Variants in MB21D2 observed in about 807,000 individuals in gnomAD.
The protein encoded by MB21D2 is nucleotidyltransferase MB21D2.
A neutral mutation model predicts 33.3 loss-of-function variants in MB21D2; 9 were observed. That is an observed-to-expected ratio of 0.27 (90% CI 0.16 to 0.47). The LOEUF (loss-of-function observed/expected upper bound fraction) is 0.47. Among genes scored for constraint, MB21D2 ranks in the 20% least tolerant of loss-of-function variants. The probability of loss-of-function intolerance (pLI) is 0.99; values close to 1 mark genes in which losing one functional copy is unlikely to be tolerated. For synonymous variants in MB21D2, 241 were observed against 236.3 expected, an observed-to-expected ratio of 1.02 and a Z score of -0.18; for missense variants, 540 against 624.6, an observed-to-expected ratio of 0.86 and a Z score of 1.44.
intron 1 of MB21D2, among the ~76,000 whole-genome samples, chr3:192,843,313 CTT>C (rs775541361): frequency 1.5e-4 from 23 of 152,176 alleles, no homozygotes; most frequent in Non-Finnish European, 2.9e-4. Context: ...TCCTTTCTGT[CTT>C]TGACATGTCA....
rs1258790735 is a variant in MB21D2 at position 192,917,744 on chromosome 3, C to A, written c.97G>T (p.Val33Leu). 6.2e-7 allele frequency: 1 copy of A among 1,613,990 alleles called. No individual in the cohort carries two copies. The highest frequency in any genetic ancestry group is 1.7e-5 in the Admixed American group (1 of 60,010). The change falls in exon 1 of 2, where the codon GTG (valine) becomes TTG (leucine). Residue 33 changes from valine to leucine, a missense_variant. Val to Leu is a conservative substitution (Grantham distance 32, BLOSUM62 1). Coordinates refer to ENST00000392452, the MANE Select transcript of MB21D2 (RefSeq NM_178496.4). Reference sequence around the variant, plus strand: ...TGGATGAGTTTGTTCAATTCCTCCACCCGAGCTCCCGACCTGAAATCCAGC... The same window carrying A: ...TGGATGAGTTTGTTCAATTCCTCCAACCGAGCTCCCGACCTGAAATCCAGC... The part of the protein sequence containing the change: ...PELDFRSGAR[V>L]EELNKLIQEF...
intron 1 of MB21D2, among the ~76,000 whole-genome samples, chr3:192,865,317 T>C (rs939331153): frequency 2.0e-5 from 3 of 152,206 alleles, no homozygotes; most frequent in African/African-American, 7.2e-5. Context: ...AGGTAGAAGA[T>C]GACCCAAGAT....
intron 1 of MB21D2, among the ~76,000 whole-genome samples, chr3:192,895,492 C>T (rs1713947020): frequency 1.3e-5 from 2 of 152,300 alleles, no homozygotes; most frequent in African/African-American, 2.4e-5. Context: ...CGACTCACTG[C>T]AGAGAGGCAA....
At chr3:192,900,922 CAG>C (rs1433878394) in intron 1 of MB21D2, among the ~76,000 whole-genome samples, 2 of 146,398 alleles carry the variant, frequency 1.4e-5, no homozygotes, top group Non-Finnish European at 3.0e-5. Flanking sequence ...GCCTGGGTGA[CAG>C]AGCGAGACTC....
At chr3:192,872,438 T>C (rs1195129640) in intron 1 of MB21D2, among the ~76,000 whole-genome samples, 2 of 151,630 alleles carry the variant, frequency 1.3e-5, no homozygotes, top group Admixed American at 6.6e-5. Context: ...TAGCCGCACG[T>C]GGTGGCGAGC....
rs1362011026 is a variant in MB21D2, at chr3:192,798,688, TCTC to T, written c.1171_1173del (p.Glu391del). On this transcript the variant is annotated inframe_deletion, in exon 2 of 2. Transcript: ENST00000392452. The surrounding 1 kb of genome is among the most constrained non-coding windows in gnomAD (Gnocchi z 4.8). ...AGCTTCCGGGCGTGAAGCATGACTG[TCTC>T]CTCAGACAGATGTTCCAGCATGTTG... 6.2e-7 allele frequency: 1 copy of T among 1,613,220 alleles called. No homozygotes were observed. The highest frequency in any genetic ancestry group is 8.5e-7 in the Non-Finnish European group (1 of 1,180,032).
At chr3:192,870,852 T>C (rs534136286) in intron 1 of MB21D2, among the ~76,000 whole-genome samples, 1 of 152,068 alleles carries the variant, frequency 6.6e-6, no homozygotes, top group East Asian at 1.9e-4. Flanking sequence ...GGCCAAAATA[T>C]ATTATGACCC....
At chr3:192,839,789 C>T (rs770028523) in intron 1 of MB21D2, among the ~76,000 whole-genome samples, 19 of 152,284 alleles carry the variant, frequency 1.2e-4, no homozygotes, top group Non-Finnish European at 2.1e-4. Context: ...TCAATCTATA[C>T]AGAAAACAAC....
chr3:192,864,167 G>A (rs1713111580), intron 1 of MB21D2, among the ~76,000 whole-genome samples: 1 of 152,176 alleles, frequency 6.6e-6, no homozygotes, highest in Admixed American at 6.5e-5. Context: ...TTAAAAAGTA[G>A]GTGTGCTCCA....
chr3:192,813,772 T>C (rs976202656), intron 1 of MB21D2, among the ~76,000 whole-genome samples: 2 of 152,016 alleles, frequency 1.3e-5, no homozygotes, highest in African/African-American at 2.4e-5. Flanking sequence ...AGAGGGATCA[T>C]TTTTTTTCCC....
intron 1 of MB21D2, among the ~76,000 whole-genome samples, chr3:192,816,223 T>TAAAAA (rs11423810): frequency 0.011 from 1,723 of 150,794 alleles, 48 homozygotes; most frequent in African/African-American, 0.04. Flanking sequence ...TTTTTTTTTT[T>TAAAAA]AAAAAAAAAG....
intron 1 of MB21D2, among the ~76,000 whole-genome samples, chr3:192,829,294 T>C (rs1465173643): frequency 6.6e-6 from 1 of 152,256 alleles, no homozygotes; most frequent in Non-Finnish European, 1.5e-5. Flanking sequence ...CACCGTTTTC[T>C]GGGTTTTTGC....
chr3:192,870,667 C>CA (rs1271412270), intron 1 of MB21D2, among the ~76,000 whole-genome samples: 1 of 128,324 alleles, frequency 7.8e-6, no homozygotes, highest in East Asian at 2.6e-4. Flanking sequence ...GCTGAGATTG[C>CA]ACCACTGCAC....
chr3:192,803,548 A>G (rs1711597705), intron 1 of MB21D2, among the ~76,000 whole-genome samples: 1 of 152,160 alleles, frequency 6.6e-6, no homozygotes. Flanking sequence ...CGATATGGTA[A>G]CAGAACTCGA....
At chr3:192,877,325 A>G (rs867038085) in intron 1 of MB21D2, among the ~76,000 whole-genome samples, 7 of 152,176 alleles carry the variant, frequency 4.6e-5, no homozygotes, top group African/African-American at 1.7e-4. Flanking sequence ...AAAAACAAAA[A>G]AGTTCACATC....
intron 1 of MB21D2, among the ~76,000 whole-genome samples, chr3:192,863,640 CTGTT>C (rs377318674): frequency 2.0e-5 from 3 of 152,202 alleles, no homozygotes; most frequent in African/African-American, 7.2e-5. Context: ...CTACTACAGT[CTGTT>C]TGTGTCCCCC....
chr3:192,799,556 TA>T lies in MB21D2; in HGVS notation c.305del (p.Leu102Ter). On this transcript the variant is annotated frameshift_variant, in exon 2 of 2. Coordinates refer to ENST00000392452, the MANE Select transcript of MB21D2 (RefSeq NM_178496.4). LOFTEE classifies it high-confidence loss of function. This position sits in a 1 kb window ranked among gnomAD's most constrained non-coding sequence, Gnocchi z 4.1. ...CCCGGGCATAGACATTAAGCTCATC[TA>T]AGTCCAGGTCCACCACGCCTTCCCG... is the stretch of plus-strand genomic sequence containing the variant. ...GVREGVVDLD[L>X]DELNVYARGT... 6.2e-7 allele frequency: 1 copy of T among 1,614,186 alleles called. No individual in the cohort carries two copies. The highest frequency in any genetic ancestry group is 8.5e-7 in the Non-Finnish European group (1 of 1,180,036).
In MB21D2 at chr3:192,834,549, T is replaced by G. The variant is rs1008926071; in HGVS notation, c.212-34899A>C. Among the ~76,000 whole-genome samples, 96 of 152,094 alleles carry G rather than the reference T, an allele frequency of 6.3e-4. 2 individuals carry two copies. The highest frequency in any genetic ancestry group is 1.6e-4 in the Non-Finnish European group (11 of 68,014). The stretch of plus-strand genomic sequence containing the variant: ...TGTTTCTCCTGTGGGGCCACTCCTT[T>G]TTGTGTCTTCTGCCACTACTTTTCC... On this transcript the variant is annotated intron_variant, in intron 1 of 1. Coordinates refer to ENST00000392452, the MANE Select transcript of MB21D2 (RefSeq NM_178496.4).
chr3:192,835,569 G>GA, intron 1 of MB21D2, among the ~76,000 whole-genome samples: 1 of 149,640 alleles, frequency 6.7e-6, no homozygotes, highest in South Asian at 2.1e-4. Flanking sequence ...ATAGATTCCA[G>GA]AAAAAAATGA....
Sources: allele counts gnomAD v4.1 joint callset (sites outside exome capture counted in the v4.1 genomes callset), GRCh38; gene constraint gnomAD v4.1.1; non-coding constraint Gnocchi (gnomAD v3.1); transcripts MANE v1.5; gene names NCBI Gene and HGNC (gene_info 2026-07-23, HGNC 2026-07-21).